SPAG16: variants seen among roughly 807,000 people sequenced by gnomAD.
SPAG16 encodes the protein sperm associated antigen 16.
In SPAG16, 86 loss-of-function variants were observed where a neutral mutation model predicts 80.4. The ratio of observed to expected loss-of-function variants is 1.07; its 90% CI spans 0.90 to 1.28. The LOEUF is 1.28. Among genes scored for constraint, SPAG16 ranks in the 50% most tolerant of loss-of-function variants. The pLI is 0.00. For synonymous variants in SPAG16, 294 were observed against 265.9 expected (o/e 1.11, Z -1.03); for missense variants, 870 against 765.3 (o/e 1.14, Z -1.61).
chr2:214,338,212 C>G (rs1345447590), intron 15 of SPAG16, among the ~76,000 whole-genome samples: 1 of 152,116 alleles, frequency 6.6e-6, no homozygotes, highest in Admixed American at 6.5e-5. Context: ...TTTCCTGTAA[C>G]TTTTAAGAAA....
intron 6 of SPAG16, among the ~76,000 whole-genome samples, chr2:213,344,054 T>C (rs773120168): frequency 6.6e-6 from 1 of 152,152 alleles, no homozygotes; most frequent in Non-Finnish European, 1.5e-5. Flanking sequence ...GAGCAGACTT[T>C]AGCCAGGACT....
intron 15 of SPAG16, among the ~76,000 whole-genome samples, chr2:214,257,489 A>G (rs1690777098): frequency 6.6e-6 from 1 of 152,038 alleles, no homozygotes; most frequent in Non-Finnish European, 1.5e-5. Flanking sequence ...TGAACATGAA[A>G]TATGATGGTA....
chr2:214,023,029 C>G (rs886832291), intron 13 of SPAG16, among the ~76,000 whole-genome samples: 6 of 151,998 alleles, frequency 3.9e-5, no homozygotes, highest in Non-Finnish European at 8.8e-5. Context: ...CAGTCCCTGA[C>G]AGTGCATCTG....
chr2:213,702,265 G>T (rs1269111385), intron 10 of SPAG16, among the ~76,000 whole-genome samples: 2 of 152,222 alleles, frequency 1.3e-5, no homozygotes, highest in Non-Finnish European at 2.9e-5. Flanking sequence ...GATGTGGGTG[G>T]GGCCAGATAA....
chr2:213,934,347 T>C (rs1466906850), intron 12 of SPAG16, among the ~76,000 whole-genome samples: 3 of 152,188 alleles, frequency 2.0e-5, no homozygotes, highest in Non-Finnish European at 4.4e-5. Flanking sequence ...GCAGAAAACT[T>C]GTATTTTGTT....
At chr2:213,857,780 A>G (rs1213945636) in intron 10 of SPAG16, among the ~76,000 whole-genome samples, 1 of 152,204 alleles carries the variant, frequency 6.6e-6, no homozygotes, top group Non-Finnish European at 1.5e-5. Context: ...GATTCCTCTG[A>G]TGGATCTGGG....
intron 15 of SPAG16, among the ~76,000 whole-genome samples, chr2:214,198,227 T>G (rs1240146470): frequency 6.6e-6 from 1 of 151,998 alleles, no homozygotes; most frequent in Non-Finnish European, 1.5e-5. Flanking sequence ...ATATGTAGTC[T>G]TTTATCCCTC....
intron 10 of SPAG16, among the ~76,000 whole-genome samples, chr2:213,672,222 G>T (rs959225533): frequency 4.6e-5 from 7 of 151,030 alleles, no homozygotes; most frequent in Non-Finnish European, 1.0e-4. Flanking sequence ...CAGGGGCCTA[G>T]TACTATCATG....
chr2:214,065,388 C>T (rs1263040672), intron 13 of SPAG16, among the ~76,000 whole-genome samples: 2 of 152,128 alleles, frequency 1.3e-5, no homozygotes, highest in East Asian at 3.9e-4. Flanking sequence ...CCGACTGGAA[C>T]ATAGTAGGTA....
intron 9 of SPAG16, among the ~76,000 whole-genome samples, chr2:213,399,526 A>G (rs977332894): frequency 5.3e-5 from 8 of 152,036 alleles, no homozygotes; most frequent in East Asian, 1.9e-4. Flanking sequence ...TAATGTATTC[A>G]TCATGTGTTA....
chr2:213,462,087 C>T (rs755315935), intron 9 of SPAG16, among the ~76,000 whole-genome samples: 1 of 152,088 alleles, frequency 6.6e-6, no homozygotes, highest in Non-Finnish European at 1.5e-5. Flanking sequence ...TTGATGGTGA[C>T]ACATTAACAG....
At chr2:214,048,983 T>C (rs2049491369) in intron 13 of SPAG16, among the ~76,000 whole-genome samples, 1 of 146,030 alleles carries the variant, frequency 6.8e-6, no homozygotes, top group Non-Finnish European at 1.5e-5. Context: ...TTGCCCAGGC[T>C]GGAGTGAAAT....
chr2:214,061,956 T>C (rs2050277044), intron 13 of SPAG16, among the ~76,000 whole-genome samples: 1 of 140,080 alleles, frequency 7.1e-6, no homozygotes, highest in African/African-American at 2.7e-5. Flanking sequence ...AGCAGGAAAA[T>C]AGCATACATA....
At chr2:213,577,995 C>A (rs2060184845) in intron 10 of SPAG16, among the ~76,000 whole-genome samples, 2 of 151,970 alleles carry the variant, frequency 1.3e-5, no homozygotes, top group Admixed American at 1.3e-4. Flanking sequence ...AACTAAAACT[C>A]TTAAGGAACC....
At chr2:213,956,531 G>A (rs921321890) in intron 12 of SPAG16, among the ~76,000 whole-genome samples, 16 of 137,540 alleles carry the variant, frequency 1.2e-4, no homozygotes, top group Admixed American at 3.9e-4. Flanking sequence ...CACTGCAACC[G>A]CCGCCTCCCA....
At chr2:214,146,406 C>T (rs1157659163) in intron 14 of SPAG16, among the ~76,000 whole-genome samples, 1 of 152,224 alleles carries the variant, frequency 6.6e-6, no homozygotes, top group Non-Finnish European at 1.5e-5. Flanking sequence ...TTCTCTGCCT[C>T]TTCCATTGCT....
chr2:213,605,235 C>T (rs2061215038), intron 10 of SPAG16, among the ~76,000 whole-genome samples: 1 of 151,362 alleles, frequency 6.6e-6, no homozygotes, highest in African/African-American at 2.4e-5. Flanking sequence ...CAAAATCAGA[C>T]ACTTTATTTC....
chr2:213,523,975 G>C (rs1051114798), intron 10 of SPAG16, among the ~76,000 whole-genome samples: 1 of 152,212 alleles, frequency 6.6e-6, no homozygotes, highest in Non-Finnish European at 1.5e-5. Context: ...GAGACTGAAT[G>C]TTAATCTCCA....
chr2:213,987,957 G>A (rs1460930770), intron 12 of SPAG16, among the ~76,000 whole-genome samples: 1 of 150,808 alleles, frequency 6.6e-6, no homozygotes, highest in East Asian at 1.9e-4. Flanking sequence ...AACAAACTTT[G>A]TTGAGTGGAA....
Sources: gnomAD v4.1 joint callset for allele counts (sites outside exome capture counted in the v4.1 genomes callset) on GRCh38, gnomAD v4.1.1 for gene constraint, MANE v1.5 for transcripts, NCBI Gene and HGNC (gene_info 2026-07-23, HGNC 2026-07-21) for gene names.